PTPRQ: variants seen among roughly 807,000 people sequenced by gnomAD.
PTPRQ encodes phosphatidylinositol phosphatase PTPRQ.
PTPRQ carries 199 observed loss-of-function variants against 246.0 expected under a neutral mutation model. The ratio of observed to expected loss-of-function variants is 0.81; its 90% CI spans 0.72 to 0.91. The LOEUF is 0.91. PTPRQ is among the 40% of genes least tolerant of loss of function. The pLI is 0.00. For missense variants in PTPRQ, 2,624 were observed against 2,528.4 expected (o/e 1.04, Z -0.81); for synonymous variants, 869 against 853.2 (o/e 1.02, Z -0.32).
At chr12:80,494,773 G>C (rs186126906) in intron 10 of PTPRQ, among the ~76,000 whole-genome samples, 160 bp from the exon 11 acceptor site, 2 of 152,010 alleles carry the variant, frequency 1.3e-5, no homozygotes, top group East Asian at 3.9e-4. Context: ...ATATTTTTAT[G>C]TTTACTATTA....
chr12:80,479,704 A>C (rs1409292093), intron 8 of PTPRQ, among the ~76,000 whole-genome samples: 2 of 147,694 alleles, frequency 1.4e-5, no homozygotes, highest in African/African-American at 5.1e-5. Context: ...AATGGAGAAC[A>C]AAAAAAGGCA....
At chr12:80,457,817 T>C (rs1244754724) in intron 4 of PTPRQ, among the ~76,000 whole-genome samples, 173 bp downstream of exon 4, 2 of 152,084 alleles carry the variant, frequency 1.3e-5, no homozygotes, top group African/African-American at 4.8e-5. Flanking sequence ...AAATATATAT[T>C]ATTCTTTCTG....
chr12:80,618,549 C>A (rs1300528006), intron 30 of PTPRQ, among the ~76,000 whole-genome samples: 1 of 151,440 alleles, frequency 6.6e-6, no homozygotes, highest in Non-Finnish European at 1.5e-5. Flanking sequence ...GTACATATAT[C>A]TTTTGTTCTA....
intron 32 of PTPRQ, among the ~76,000 whole-genome samples, chr12:80,620,863 A>C (rs1898956226): frequency 6.6e-6 from 1 of 151,766 alleles, no homozygotes; most frequent in Non-Finnish European, 1.5e-5. Context: ...ATTTAATACC[A>C]CCTTTAATAT....
Position 80,448,686 on chromosome 12 carries a change from C to T in PTPRQ, c.390+2969C>T, listed in dbSNP as rs1284583020. Among the ~76,000 whole-genome samples the T allele has an allele frequency of 3.3e-5, 5 of 149,630 alleles. No homozygotes were observed. The South Asian group carries it at 8.6e-4, about 26-fold the overall frequency. ...GATGATTTCCAATTTCATCTATGTC[C>T]CTACAAAGGGCATGAACTCATCATT... On this transcript the variant is annotated intron_variant, in intron 3 of 44. Transcript: ENST00000644991.
At chr12:80,668,693 G>A (rs1900866715) in intron 39 of PTPRQ, among the ~76,000 whole-genome samples, 1 of 151,864 alleles carries the variant, frequency 6.6e-6, no homozygotes, top group African/African-American at 2.4e-5. Flanking sequence ...AAGATGCTTA[G>A]CAAACTGCTA....
chr12:80,450,409 A>T (rs1442746774), intron 3 of PTPRQ, among the ~76,000 whole-genome samples: 31 of 152,286 alleles, frequency 2.0e-4, no homozygotes, highest in African/African-American at 7.0e-4. Flanking sequence ...AACTTCCAAC[A>T]CTATGTTGAA....
chr12:80,606,817 T>C (rs529102608), intron 27 of PTPRQ, among the ~76,000 whole-genome samples: 5 of 151,042 alleles, frequency 3.3e-5, no homozygotes, highest in Admixed American at 6.6e-5. Flanking sequence ...GATTTTAGTA[T>C]GTAATTAGCC....
chr12:80,582,663 A>C (rs1227315394), intron 25 of PTPRQ, among the ~76,000 whole-genome samples: 8 of 152,138 alleles, frequency 5.3e-5, no homozygotes, highest in Admixed American at 5.2e-4. Flanking sequence ...TTGAGAAATA[A>C]ATTTCTGTTG....
chr12:80,579,696 C>T (rs1897376021), intron 25 of PTPRQ, among the ~76,000 whole-genome samples: 1 of 152,110 alleles, frequency 6.6e-6, no homozygotes, highest in Admixed American at 6.5e-5. Flanking sequence ...ATGCTTTGAA[C>T]TTAACTTTGA....
At chr12:80,558,168 C>CTTTTCTTTCT (rs71094987) in intron 25 of PTPRQ, among the ~76,000 whole-genome samples, 1 of 35,226 alleles carries the variant, frequency 2.8e-5, no homozygotes, top group Non-Finnish European at 5.9e-5. Context: ...CTTTTCTTTT[C>CTTTTCTTTCT]TTTCTTTTCT....
chr12:80,665,369 C>T (rs1333185403), intron 39 of PTPRQ, among the ~76,000 whole-genome samples: 1 of 152,016 alleles, frequency 6.6e-6, no homozygotes, highest in Non-Finnish European at 1.5e-5. Context: ...ATCCAATTTT[C>T]ATGACTTTAA....
chr12:80,503,636 T>A (rs1252658090), intron 14 of PTPRQ, among the ~76,000 whole-genome samples: 1 of 151,832 alleles, frequency 6.6e-6, no homozygotes, highest in African/African-American at 2.4e-5. Flanking sequence ...ATGGCAATAA[T>A]ATTTACCTAT....
chr12:80,481,449 C>T (rs1894053202), intron 8 of PTPRQ, among the ~76,000 whole-genome samples: 1 of 152,160 alleles, frequency 6.6e-6, no homozygotes, highest in East Asian at 1.9e-4. Context: ...GAAGCATTCC[C>T]TTTGAAAACT....
At chr12:80,452,335 C>A in intron 3 of PTPRQ, among the ~76,000 whole-genome samples, 1 of 151,784 alleles carries the variant, frequency 6.6e-6, no homozygotes, top group South Asian at 2.1e-4. Context: ...CAGTCTGTGT[C>A]TTTTAATTGG....
At chr12:80,445,774 G>A (rs1298914130) in intron 3 of PTPRQ, 57 bp downstream of exon 3, 11 of 1,256,640 alleles carry the variant, frequency 8.8e-6, no homozygotes, top group Non-Finnish European at 1.1e-5. Flanking sequence ...TTTTAAAAGT[G>A]TGGGAGGTTT....
intron 17 of PTPRQ, among the ~76,000 whole-genome samples, chr12:80,511,021 T>A (rs1006640049): frequency 6.6e-6 from 1 of 152,188 alleles, no homozygotes; most frequent in Non-Finnish European, 1.5e-5. Context: ...TAGATTGAAA[T>A]CTTTACTTTG....
In PTPRQ at chr12:80,515,494, CACTGCA is replaced by C; in HGVS notation, c.2678+5054_2678+5059del. 2.6e-5 allele frequency among the ~76,000 whole-genome samples: 4 copies of C among 151,554 alleles called. No individual in the cohort carries two copies. In the South Asian group the frequency reaches 8.3e-4, roughly 32 times the overall value. ...GGAGAGCAATGGCGCCATCTTGGCT[CACTGCA>C]ACCTCTGCCTCCTGGGTTCAAGTGA... On this transcript the variant is annotated intron_variant, in intron 17 of 44. Transcript: ENST00000644991.
rs190917077 is a variant in PTPRQ, at chr12:80,549,743, C to G, written c.4285+9C>G. 6 of 1,365,068 alleles carry G rather than the reference C, an allele frequency of 4.4e-6. No homozygotes were observed. The highest frequency in any genetic ancestry group is 5.0e-6 in the Non-Finnish European group (5 of 997,640). The allele number at this position is 1,365,068 out of a possible 1,614,324, so 84.6% of individuals were successfully genotyped here. On this transcript the variant is annotated intron_variant, in intron 25 of 44. Transcript: ENST00000644991. ...CACACTACCTGAAACAGGTAACTAA[C>G]GTGAAACAGGTAACTAACATGAAAC... is the stretch of plus-strand genomic sequence containing the variant.
Sources: gnomAD v4.1 joint callset for allele counts (sites outside exome capture counted in the v4.1 genomes callset) on GRCh38, gnomAD v4.1.1 for gene constraint, MANE v1.5 for transcripts, NCBI Gene and HGNC (gene_info 2026-07-23, HGNC 2026-07-21) for gene names.